Variants in MACROD1 observed in about 807,000 individuals in gnomAD.
MACROD1 encodes the protein mono-ADP ribosylhydrolase 1, also known as ADP-ribose glycohydrolase MACROD1.
In MACROD1, 31 loss-of-function variants were observed where a neutral mutation model predicts 41.4. The observed-to-expected ratio is 0.75, with a 90% CI of 0.56 to 1.01. MACROD1 has a LOEUF of 1.01. Among genes scored for constraint, MACROD1 ranks in the 50% least tolerant of loss-of-function variants. The pLI, the probability that MACROD1 is intolerant of heterozygous loss-of-function variation, is 0.00. For missense variants in MACROD1, 473 were observed against 460.0 expected (o/e 1.03, Z -0.26); for synonymous variants, 252 against 203.4 (o/e 1.24, Z -2.03).
intron 3 of MACROD1, among the ~76,000 whole-genome samples, chr11:64,017,237 CT>C (rs762586271): frequency 6.6e-5 from 10 of 152,188 alleles, no homozygotes; most frequent in African/African-American, 9.7e-5. Context: ...TCCCAAAGTG[CT>C]GGGATTACAG....
chr11:64,000,268 C>A lies in MACROD1; in HGVS notation c.623G>T (p.Gly208Val), dbSNP rs769348436. 3.7e-6 allele frequency: 6 copies of A among 1,606,112 alleles called. No homozygotes were observed. Among genetic ancestry groups the A allele is most frequent in the South Asian group, 3.3e-5 (3 of 89,608 alleles). The change falls in exon 5 of 11, where the codon GGC (glycine) becomes GTC (valine). Residue 208 changes from glycine (G) to valine (V), a missense_variant. Gly to Val is a moderately radical substitution (Grantham distance 109). Coordinates refer to ENST00000255681, the MANE Select transcript of MACROD1 (RefSeq NM_014067.4). ...ATAGCCGCCGGTGATCTTGGCCTTG[C>A]CAGTCTTACAGCTCTGCAGGGTCCG... The part of the protein sequence containing the change: ...ECRTLQSCKT[G>V]KAKITGGYRL...
At chr11:64,143,813 G>A (rs1017024778) in intron 3 of MACROD1, among the ~76,000 whole-genome samples, 8 of 126,162 alleles carry the variant, frequency 6.3e-5, no homozygotes, top group African/African-American at 2.9e-4. Context: ...ATTTCCTGGG[G>A]GCTCTGGAGC....
intron 3 of MACROD1, among the ~76,000 whole-genome samples, chr11:64,141,800 C>T (rs1945417943): frequency 6.6e-6 from 1 of 152,122 alleles, no homozygotes; most frequent in Admixed American, 6.5e-5. Context: ...GGGTGGCCAC[C>T]CCATGTGGGG....
chr11:64,110,204 C>T (rs1028692856), intron 3 of MACROD1, among the ~76,000 whole-genome samples: 1 of 152,154 alleles, frequency 6.6e-6, no homozygotes, highest in African/African-American at 2.4e-5. Flanking sequence ...AATCTCAGCA[C>T]TTTGGGATGC....
At chr11:64,050,847 G>A (rs1943680009) in intron 3 of MACROD1, among the ~76,000 whole-genome samples, 1 of 152,238 alleles carries the variant, frequency 6.6e-6, no homozygotes, top group Non-Finnish European at 1.5e-5. Context: ...TCGAACTCCT[G>A]ACCTCAGGTG....
intron 1 of MACROD1, among the ~76,000 whole-genome samples, chr11:64,152,683 G>A (rs529482652): frequency 2.0e-4 from 31 of 152,294 alleles, no homozygotes; most frequent in African/African-American, 6.3e-4. Flanking sequence ...TTCCAGCAGC[G>A]TCCACATCTC....
intron 3 of MACROD1, among the ~76,000 whole-genome samples, chr11:64,068,580 T>C (rs777440112): frequency 6.6e-6 from 1 of 152,240 alleles, no homozygotes; most frequent in Non-Finnish European, 1.5e-5. Context: ...TCCCATTTGA[T>C]TGGCAGATAA....
At chr11:64,160,772 C>T (rs1345604178) in intron 1 of MACROD1, among the ~76,000 whole-genome samples, 1 of 148,160 alleles carries the variant, frequency 6.7e-6, no homozygotes, top group Non-Finnish European at 1.5e-5. Flanking sequence ...GCTGTGATTG[C>T]ACCACTGCAC....
chr11:64,059,615 G>T (rs1393493311), intron 3 of MACROD1, among the ~76,000 whole-genome samples: 2 of 152,198 alleles, frequency 1.3e-5, no homozygotes, highest in African/African-American at 4.8e-5. Flanking sequence ...GGGTCTCGGG[G>T]TACCTGGACT....
At chr11:64,027,053 A>G (rs1333745573) in intron 3 of MACROD1, among the ~76,000 whole-genome samples, 1 of 152,190 alleles carries the variant, frequency 6.6e-6, no homozygotes, top group Non-Finnish European at 1.5e-5. Context: ...TGCTTTGTAC[A>G]TTCCTGGATC....
chr11:64,038,381 G>C (rs1313756065), intron 3 of MACROD1, among the ~76,000 whole-genome samples: 1 of 152,232 alleles, frequency 6.6e-6, no homozygotes, highest in Non-Finnish European at 1.5e-5. Flanking sequence ...CTGCGTGTGG[G>C]TGCAGGGAAG....
At chr11:64,134,432 G>A (rs1221852304) in intron 3 of MACROD1, among the ~76,000 whole-genome samples, 1 of 152,232 alleles carries the variant, frequency 6.6e-6, no homozygotes. Context: ...GGGAGCTGGT[G>A]GGGGTAGGGG....
intron 1 of MACROD1, among the ~76,000 whole-genome samples, chr11:64,162,927 T>C (rs1228045439): frequency 6.6e-6 from 1 of 152,058 alleles, no homozygotes; most frequent in East Asian, 1.9e-4. Flanking sequence ...AAGACCATCC[T>C]GACTAACACG....
chr11:64,043,447 C>T (rs1023494744), intron 3 of MACROD1, among the ~76,000 whole-genome samples: 4 of 152,128 alleles, frequency 2.6e-5, no homozygotes, highest in Non-Finnish European at 4.4e-5. Context: ...CTCTAAACGC[C>T]TGGTTGTGAC....
chr11:64,089,594 C>G (rs1338180380), intron 3 of MACROD1, among the ~76,000 whole-genome samples: 1 of 152,226 alleles, frequency 6.6e-6, no homozygotes, highest in South Asian at 2.1e-4. Context: ...CGGCTGAAAA[C>G]TTGGGGAGAC....
chr11:64,084,645 T>C (rs1359393352), intron 3 of MACROD1, among the ~76,000 whole-genome samples: 1 of 152,136 alleles, frequency 6.6e-6, no homozygotes, highest in Non-Finnish European at 1.5e-5. Flanking sequence ...CGCATGGCAG[T>C]GGGGTCAAAG....
chr11:64,069,785 G>A (rs747143795), intron 3 of MACROD1, among the ~76,000 whole-genome samples: 32 of 152,196 alleles, frequency 2.1e-4, no homozygotes, highest in Non-Finnish European at 4.0e-4. Context: ...GCACGCTGCC[G>A]GCCACTGCAG....
intron 3 of MACROD1, among the ~76,000 whole-genome samples, chr11:64,133,679 C>T (rs1945296003): frequency 6.6e-6 from 1 of 152,212 alleles, no homozygotes; most frequent in Admixed American, 6.5e-5. Context: ...CAGACTGCCC[C>T]AGGGCCCCTG....
At chr11:64,113,877 T>A (rs1944912577) in intron 3 of MACROD1, among the ~76,000 whole-genome samples, 1 of 142,754 alleles carries the variant, frequency 7.0e-6, no homozygotes, top group African/African-American at 2.6e-5. Context: ...GATACATGGA[T>A]GGATGGATGG....
Sources: allele counts gnomAD v4.1 joint callset (sites outside exome capture counted in the v4.1 genomes callset), GRCh38; gene constraint gnomAD v4.1.1; transcripts MANE v1.5; gene names NCBI Gene and HGNC (gene_info 2026-07-23, HGNC 2026-07-21).